Variants in DLG2 observed in about 807,000 individuals in gnomAD.
DLG2 encodes discs large MAGUK scaffold protein 2.
Under a neutral mutation model 132.5 loss-of-function variants are expected in DLG2, and 45 were observed. That is an observed-to-expected ratio of 0.34 (90% CI 0.27 to 0.44). The LOEUF (loss-of-function observed/expected upper bound fraction) is 0.44, where lower values mean the gene tolerates loss of function less well. Among genes scored for constraint, DLG2 ranks in the 20% least tolerant of loss-of-function variants. The pLI is 1.00. For synonymous variants in DLG2, 424 were observed against 419.6 expected, an observed-to-expected ratio of 1.01 and a Z score of -0.13; for missense variants, 1,045 against 1,196.9, an observed-to-expected ratio of 0.87 and a Z score of 1.87.
At chr11:84,098,568 G>T (rs777560548) in intron 10 of DLG2, among the ~76,000 whole-genome samples, 2 of 152,084 alleles carry the variant, frequency 1.3e-5, no homozygotes, top group African/African-American at 2.4e-5. Flanking sequence ...TGCTTTACTT[G>T]CTAATGCTAC....
chr11:84,972,982 AG>A (rs2054321177), intron 6 of DLG2, among the ~76,000 whole-genome samples: 1 of 140,062 alleles, frequency 7.1e-6, no homozygotes, highest in African/African-American at 2.7e-5. Context: ...TTTGAGACAG[AG>A]TTTTGCTCTT....
intron 3 of DLG2, among the ~76,000 whole-genome samples, chr11:85,392,805 C>G (rs1398231928): frequency 6.6e-6 from 1 of 152,080 alleles, no homozygotes; most frequent in Non-Finnish European, 1.5e-5. Flanking sequence ...TCTCATCTCT[C>G]ACCTTACACA....
chr11:83,483,292 G>T (rs1184213575), intron 22 of DLG2: 2 of 1,612,766 alleles, frequency 1.2e-6, no homozygotes, highest in Non-Finnish European at 1.7e-6. Context: ...CCTAATCCGG[G>T]GATGTCCTGC....
At chr11:84,387,664 A>G (rs2098776333) in intron 7 of DLG2, among the ~76,000 whole-genome samples, 2 of 152,170 alleles carry the variant, frequency 1.3e-5, no homozygotes, top group African/African-American at 2.4e-5. Context: ...CAAATGTTAG[A>G]GTTACATTTA....
At chr11:83,881,418 C>G (rs1277896592) in intron 15 of DLG2, among the ~76,000 whole-genome samples, 1 of 152,136 alleles carries the variant, frequency 6.6e-6, no homozygotes, top group East Asian at 1.9e-4. Flanking sequence ...AGCTAACATT[C>G]AGTTATCAAT....
chr11:85,514,467 T>C (rs986509199), intron 3 of DLG2, among the ~76,000 whole-genome samples: 2 of 152,008 alleles, frequency 1.3e-5, no homozygotes, highest in African/African-American at 4.8e-5. Flanking sequence ...TATTTTGACA[T>C]CTTCTCTAAC....
intron 6 of DLG2, among the ~76,000 whole-genome samples, chr11:84,574,189 G>T (rs1481530523): frequency 6.6e-6 from 1 of 152,164 alleles, no homozygotes; most frequent in East Asian, 1.9e-4. Context: ...TGGGATTCAC[G>T]AAAAGGCAGA....
At chr11:85,162,107 C>T (rs72961570) in intron 4 of DLG2, among the ~76,000 whole-genome samples, 1 of 152,238 alleles carries the variant, frequency 6.6e-6, no homozygotes, top group African/African-American at 2.4e-5. Flanking sequence ...GCTCCTCCCA[C>T]TTTTAAGTCA....
At chr11:84,385,130 G>C (rs903665532) in intron 7 of DLG2, among the ~76,000 whole-genome samples, 1 of 151,986 alleles carries the variant, frequency 6.6e-6, no homozygotes, top group African/African-American at 2.4e-5. Context: ...AATCATTTCT[G>C]TAACATTTAC....
chr11:85,054,701 T>C (rs1329157402), intron 6 of DLG2, among the ~76,000 whole-genome samples: 3 of 152,200 alleles, frequency 2.0e-5, no homozygotes, highest in Non-Finnish European at 4.4e-5. Context: ...AACAAAATCA[T>C]GTCCTTTGCA....
intron 8 of DLG2, among the ~76,000 whole-genome samples, chr11:84,225,971 T>C (rs1040448654): frequency 9.9e-5 from 15 of 152,008 alleles, no homozygotes; most frequent in Non-Finnish European, 1.9e-4. Flanking sequence ...CCACCACGCC[T>C]GGCTAATTTT....
At chr11:83,537,193 G>A (rs531616881) in intron 20 of DLG2, among the ~76,000 whole-genome samples, 1 of 152,258 alleles carries the variant, frequency 6.6e-6, no homozygotes, top group African/African-American at 2.4e-5. Flanking sequence ...CACATCTCTA[G>A]AGAGCACCAA....
chr11:84,230,146 G>A (rs1393807697), intron 8 of DLG2, among the ~76,000 whole-genome samples: 1 of 152,138 alleles, frequency 6.6e-6, no homozygotes, highest in Non-Finnish European at 1.5e-5. Flanking sequence ...AAAGGCATGA[G>A]CCTGTCATGA....
intron 7 of DLG2, among the ~76,000 whole-genome samples, chr11:84,373,002 T>C (rs529814878): frequency 6.6e-6 from 1 of 151,686 alleles, no homozygotes; most frequent in Admixed American, 6.6e-5. Context: ...AATAATGAAC[T>C]TAACTAATAA....
chr11:85,392,663 C>T (rs1237793374), intron 3 of DLG2, among the ~76,000 whole-genome samples: 1 of 151,936 alleles, frequency 6.6e-6, no homozygotes, highest in African/African-American at 2.4e-5. Context: ...CAGAAATAAA[C>T]TCAAATACTC....
At chr11:84,742,146 T>TA (rs1227757016) in intron 6 of DLG2, among the ~76,000 whole-genome samples, 1 of 152,040 alleles carries the variant, frequency 6.6e-6, no homozygotes, top group African/African-American at 2.4e-5. Flanking sequence ...AGAAAGCCTA[T>TA]ACGATTTATG....
intron 3 of DLG2, among the ~76,000 whole-genome samples, chr11:85,491,568 A>T (rs2093561332): frequency 6.6e-6 from 1 of 152,138 alleles, no homozygotes. Context: ...CAGGATACAA[A>T]ATCAACACAG....
At chr11:85,391,626 G>A (rs888993316) in intron 3 of DLG2, among the ~76,000 whole-genome samples, 1 of 151,882 alleles carries the variant, frequency 6.6e-6, no homozygotes, top group Non-Finnish European at 1.5e-5. Context: ...TGCTGGGATG[G>A]TTTAACATCC....
At chr11:83,491,142 TTC>T (rs1324407780) in intron 21 of DLG2, among the ~76,000 whole-genome samples, 3 of 144,014 alleles carry the variant, frequency 2.1e-5, no homozygotes, top group Admixed American at 2.0e-4. Context: ...ATAGTTTTTT[TTC>T]TGTTTTTTTT....
Sources: allele counts gnomAD v4.1 joint callset (sites outside exome capture counted in the v4.1 genomes callset), GRCh38; gene constraint gnomAD v4.1.1; transcripts MANE v1.5; gene names NCBI Gene and HGNC (gene_info 2026-07-23, HGNC 2026-07-21).